PARD3: variants seen among roughly 807,000 people sequenced by gnomAD.
PARD3 encodes par-3 family cell polarity regulator.
PARD3 carries 75 observed loss-of-function variants against 155.4 expected under a neutral mutation model. The ratio of observed to expected loss-of-function variants is 0.48; its 90% CI spans 0.40 to 0.58. The LOEUF (loss-of-function observed/expected upper bound fraction) is 0.58, where lower values mean the gene tolerates loss of function less well. Among genes scored for constraint, PARD3 ranks in the 20% least tolerant of loss-of-function variants. PARD3 has a pLI of 0.00. For synonymous variants in PARD3, 576 were observed against 610.5 expected, an observed-to-expected ratio of 0.94 and a Z score of 0.83; for missense variants, 1,642 against 1,721.7, an observed-to-expected ratio of 0.95 and a Z score of 0.82.
At chr10:34,227,049 C>G (rs924168892) in intron 22 of PARD3, among the ~76,000 whole-genome samples, 8 of 152,132 alleles carry the variant, frequency 5.3e-5, no homozygotes, top group African/African-American at 1.9e-4. Context: ...TTCCGCGCAA[C>G]AAAAGAAACT....
chr10:34,128,361 AG>A (rs1375374939), intron 23 of PARD3, among the ~76,000 whole-genome samples: 4 of 152,234 alleles, frequency 2.6e-5, no homozygotes, highest in African/African-American at 9.6e-5. Context: ...TTCCATTTAA[AG>A]AAAAGGAAAT....
intron 5 of PARD3, among the ~76,000 whole-genome samples, chr10:34,409,076 ATTC>A: frequency 6.6e-6 from 1 of 152,138 alleles, no homozygotes; most frequent in Non-Finnish European, 1.5e-5. Context: ...GATTCCTACT[ATTC>A]TTATCTCAAG....
At chr10:34,584,983 G>T (rs1352424968) in intron 2 of PARD3, among the ~76,000 whole-genome samples, 2 of 151,566 alleles carry the variant, frequency 1.3e-5, no homozygotes, top group Non-Finnish European at 2.9e-5. Context: ...TTGCATGTTT[G>T]ACCCTACTGC....
chr10:34,671,987 C>T (rs1376176925), intron 2 of PARD3, among the ~76,000 whole-genome samples: 1 of 148,574 alleles, frequency 6.7e-6, no homozygotes, highest in Non-Finnish European at 1.5e-5. Context: ...TCAGCCTGGG[C>T]AACATAGGGA....
At chr10:34,128,146 G>A (rs1260300796) in intron 23 of PARD3, among the ~76,000 whole-genome samples, 2 of 152,166 alleles carry the variant, frequency 1.3e-5, no homozygotes, top group Non-Finnish European at 2.9e-5. Context: ...CACATTGCCA[G>A]TTGCCCCATC....
intron 22 of PARD3, among the ~76,000 whole-genome samples, chr10:34,245,403 A>T (rs1432659988): frequency 6.6e-6 from 1 of 152,140 alleles, no homozygotes; most frequent in African/African-American, 2.4e-5. Context: ...ATGCCACGCC[A>T]AGTAAGTTGG....
At chr10:34,733,388 C>T (rs2094852386) in intron 1 of PARD3, among the ~76,000 whole-genome samples, 1 of 152,160 alleles carries the variant, frequency 6.6e-6, no homozygotes, top group South Asian at 2.1e-4. Context: ...TCACTAACAG[C>T]TGTCCAAGAT....
At chr10:34,383,389 A>G (rs1324105241) in intron 8 of PARD3, among the ~76,000 whole-genome samples, 1 of 113,320 alleles carries the variant, frequency 8.8e-6, no homozygotes, top group Non-Finnish European at 1.7e-5. Context: ...AATTTTTAAA[A>G]TACACACACA....
At chr10:34,197,950 G>C (rs1047833469) in intron 22 of PARD3, among the ~76,000 whole-genome samples, 1 of 152,162 alleles carries the variant, frequency 6.6e-6, no homozygotes, top group African/African-American at 2.4e-5. Context: ...GGATGGTCTT[G>C]AGGTCTTGAT....
rs1488612008 is a variant in PARD3, at chr10:34,145,215, ATATATAT to A, written c.3420-13639_3420-13633del. ...TATATATATATATATATATATATAT[ATATATAT>A]TTTTTTTTTTTTTTTTTTTACAGGA... On this transcript the variant is annotated intron_variant, in intron 22 of 24. Coordinates refer to ENST00000374788, the MANE Select transcript of PARD3 (RefSeq NM_001184785.2). 3.0e-3 allele frequency among the ~76,000 whole-genome samples: 172 copies of A among 57,610 alleles called. 1 individual carries two copies. The highest frequency in any genetic ancestry group is 0.014 in the African/African-American group (150 of 10,840). The allele number at this position is 57,610 out of a possible 152,430, so 37.8% of individuals were successfully genotyped here.
chr10:34,577,666 T>C (rs2087006859), intron 2 of PARD3, among the ~76,000 whole-genome samples: 2 of 152,070 alleles, frequency 1.3e-5, no homozygotes, highest in African/African-American at 4.8e-5. Context: ...GTCTGTAAAA[T>C]GGGGATGAAA....
intron 14 of PARD3, among the ~76,000 whole-genome samples, chr10:34,355,924 CAAAAAA>C (rs869284165): frequency 1.2e-4 from 5 of 42,746 alleles, no homozygotes; most frequent in South Asian, 1.5e-3. Context: ...CACTCCGTCT[CAAAAAA>C]AAAAAAAAAA....
intron 1 of PARD3, among the ~76,000 whole-genome samples, chr10:34,698,859 C>T (rs1462922719): frequency 6.6e-6 from 1 of 152,206 alleles, no homozygotes; most frequent in East Asian, 1.9e-4. Flanking sequence ...TATACCAATT[C>T]TTTGATGATC....
At chr10:34,782,612 G>C (rs1276840248) in intron 1 of PARD3, among the ~76,000 whole-genome samples, 1 of 151,912 alleles carries the variant, frequency 6.6e-6, no homozygotes, top group South Asian at 2.1e-4. Context: ...ATAAAACACT[G>C]TTACCTCTAC....
At chr10:34,489,401 G>A (rs553640118) in intron 3 of PARD3, among the ~76,000 whole-genome samples, 125 of 152,314 alleles carry the variant, frequency 8.2e-4, no homozygotes, top group South Asian at 4.6e-3. Flanking sequence ...GGATGCTGCC[G>A]GAAGTTGAAA....
intron 2 of PARD3, among the ~76,000 whole-genome samples, chr10:34,600,962 A>ATTT (rs1028271994): frequency 3.0e-4 from 27 of 90,098 alleles, no homozygotes; most frequent in Non-Finnish European, 4.1e-4. Flanking sequence ...CATTTTTTTA[A>ATTT]TTTTTTTTTT....
chr10:34,656,244 G>A (rs189228381), intron 2 of PARD3, among the ~76,000 whole-genome samples: 46 of 151,692 alleles, frequency 3.0e-4, no homozygotes, highest in African/African-American at 1.1e-3. Context: ...TAACCTTCAA[G>A]ATAAAAAAAA....
chr10:34,627,354 T>A (rs1433526351), intron 2 of PARD3, among the ~76,000 whole-genome samples: 1 of 152,152 alleles, frequency 6.6e-6, no homozygotes, highest in Non-Finnish European at 1.5e-5. Context: ...CTGAATTGTG[T>A]TCCCCTCTCC....
At chr10:34,112,211 G>A (rs571860961) in intron 24 of PARD3, among the ~76,000 whole-genome samples, 6 of 152,272 alleles carry the variant, frequency 3.9e-5, no homozygotes, top group South Asian at 2.1e-4. Context: ...CGGAGAGTCC[G>A]GAAGTCTGTA....
Sources: allele counts gnomAD v4.1 joint callset (sites outside exome capture counted in the v4.1 genomes callset), GRCh38; gene constraint gnomAD v4.1.1; transcripts MANE v1.5; gene names NCBI Gene and HGNC (gene_info 2026-07-23, HGNC 2026-07-21).